Variants in MAGI2 observed in about 807,000 individuals in gnomAD.
MAGI2 encodes the protein membrane-associated guanylate kinase, WW and PDZ domain-containing protein 2.
Under a neutral mutation model 133.3 loss-of-function variants are expected in MAGI2, and 35 were observed. That is an observed-to-expected ratio of 0.26 (90% confidence interval 0.20 to 0.35). The LOEUF (loss-of-function observed/expected upper bound fraction) is 0.35. MAGI2 is among the 10% of genes least tolerant of loss of function. The pLI, the probability that MAGI2 is intolerant of heterozygous loss-of-function variation, is 1.00. For synonymous variants in MAGI2, 729 were observed against 710.6 expected, an observed-to-expected ratio of 1.03 and a Z score of -0.41; for missense variants, 1,636 against 1,863.4, an observed-to-expected ratio of 0.88 and a Z score of 2.25.
chr7:78,378,223 C>T (rs1196892638), intron 6 of MAGI2, among the ~76,000 whole-genome samples: 1 of 151,078 alleles, frequency 6.6e-6, no homozygotes, highest in African/African-American at 2.4e-5. Flanking sequence ...ATGAAATAAA[C>T]AAAAAGGTAA....
intron 3 of MAGI2, among the ~76,000 whole-genome samples, chr7:78,562,083 A>T (rs1800466395): frequency 6.6e-6 from 1 of 152,160 alleles, no homozygotes; most frequent in African/African-American, 2.4e-5. Context: ...AGTTCACAGA[A>T]GGGAAGGAAG....
intron 2 of MAGI2, among the ~76,000 whole-genome samples, chr7:78,967,638 T>C (rs539374184): frequency 6.6e-6 from 1 of 151,854 alleles, no homozygotes; most frequent in Non-Finnish European, 1.5e-5. Context: ...ATATATAGTG[T>C]AGAAGTCCAA....
chr7:78,614,811 A>G (rs1584851456), intron 3 of MAGI2: 1 of 152,208 alleles, frequency 6.6e-6, no homozygotes, highest in South Asian at 2.1e-4. Flanking sequence ...GTAGTATTCT[A>G]ATTAGGTGAA....
At chr7:78,034,549 A>G (rs940753918) in intron 21 of MAGI2, among the ~76,000 whole-genome samples, 1 of 152,122 alleles carries the variant, frequency 6.6e-6, no homozygotes, top group African/African-American at 2.4e-5. Context: ...TATTTTTTAG[A>G]TGGAGTCTCG....
chr7:78,869,939 T>C (rs1001469144), intron 2 of MAGI2, among the ~76,000 whole-genome samples: 1 of 152,164 alleles, frequency 6.6e-6, no homozygotes, highest in African/African-American at 2.4e-5. Context: ...CTATTCTGCT[T>C]CATTGGTCTT....
At chr7:79,420,260 CT>C in intron 1 of MAGI2, among the ~76,000 whole-genome samples, 1 of 152,054 alleles carries the variant, frequency 6.6e-6, no homozygotes, top group East Asian at 1.9e-4. Context: ...CTGTCTCTAC[CT>C]TTTTCCAGAA....
intron 2 of MAGI2, among the ~76,000 whole-genome samples, chr7:78,879,492 C>T (rs191957172): frequency 1.3e-5 from 2 of 152,020 alleles, no homozygotes; most frequent in Admixed American, 6.5e-5. Flanking sequence ...AAAGACCCTA[C>T]CCAACATTCT....
At chr7:79,303,118 C>T (rs560563795) in intron 1 of MAGI2, among the ~76,000 whole-genome samples, 1 of 152,100 alleles carries the variant, frequency 6.6e-6, no homozygotes, top group Non-Finnish European at 1.5e-5. Context: ...GCACCATATA[C>T]AATTTCCTTT....
At chr7:78,922,743 T>C (rs1563667696) in intron 2 of MAGI2, among the ~76,000 whole-genome samples, 1 of 151,954 alleles carries the variant, frequency 6.6e-6, no homozygotes, top group Non-Finnish European at 1.5e-5. Flanking sequence ...GTATTTCTAG[T>C]TCTAGATCCC....
chr7:79,298,521 C>A (rs1837125693), intron 1 of MAGI2, among the ~76,000 whole-genome samples: 1 of 152,018 alleles, frequency 6.6e-6, no homozygotes, highest in African/African-American at 2.4e-5. Context: ...TTTTTAAATA[C>A]CATATCATAC....
At chr7:78,573,404 A>ATATATATATATATATATT (rs1563189772) in intron 3 of MAGI2, among the ~76,000 whole-genome samples, 1 of 85,966 alleles carries the variant, frequency 1.2e-5, no homozygotes. Context: ...ATATATATAT[A>ATATATATATATATATATT]GGCTGCCACT....
rs10249380 is a variant in MAGI2, at chr7:79,115,389, C to T, written c.302-108183G>A. 5.9e-5 allele frequency among the ~76,000 whole-genome samples: 9 copies of T among 152,252 alleles called. No homozygotes were observed. In the South Asian group the frequency reaches 1.9e-3, roughly 32 times the overall value. On this transcript the variant is annotated intron_variant, in intron 1 of 21. Coordinates refer to ENST00000354212, the MANE Select transcript of MAGI2 (RefSeq NM_012301.4). ...TTTTTATATATGCCTTAATTATTGT[C>T]TGAAATAGAAGGTGCTCTGTTCTTT...
chr7:78,086,219 C>CT (rs568492445), intron 20 of MAGI2, among the ~76,000 whole-genome samples: 14,515 of 134,534 alleles, frequency 0.11, 857 homozygotes, highest in African/African-American at 0.16. Context: ...TTCTAGGGCT[C>CT]TTTTTTTTTT....
At chr7:78,070,452 A>ATG (rs1362594548) in intron 21 of MAGI2, among the ~76,000 whole-genome samples, 2 of 146,634 alleles carry the variant, frequency 1.4e-5, no homozygotes, top group Admixed American at 6.8e-5. Flanking sequence ...GTGTATATAT[A>ATG]TGTGTGTGTA....
At chr7:79,288,841 G>A (rs971588710) in intron 1 of MAGI2, among the ~76,000 whole-genome samples, 1 of 152,166 alleles carries the variant, frequency 6.6e-6, no homozygotes, top group African/African-American at 2.4e-5. Context: ...TTGTGTTTCA[G>A]CCAGGCATAA....
At chr7:78,680,342 A>C (rs1815511945) in intron 2 of MAGI2, among the ~76,000 whole-genome samples, 1 of 152,172 alleles carries the variant, frequency 6.6e-6, no homozygotes, top group South Asian at 2.1e-4. Context: ...TCATTATATT[A>C]TTTCCCACTA....
chr7:79,017,417 T>G (rs1414569270), intron 1 of MAGI2, among the ~76,000 whole-genome samples: 1 of 151,980 alleles, frequency 6.6e-6, no homozygotes, highest in Non-Finnish European at 1.5e-5. Flanking sequence ...TCAAATAGGA[T>G]AGAAGAAAAA....
chr7:79,309,104 G>A (rs1181758023), intron 1 of MAGI2, among the ~76,000 whole-genome samples: 1 of 151,672 alleles, frequency 6.6e-6, no homozygotes, highest in Non-Finnish European at 1.5e-5. Flanking sequence ...TAATATTTGC[G>A]GTACAATTTC....
intron 6 of MAGI2, among the ~76,000 whole-genome samples, chr7:78,411,159 G>T (rs1583967545): frequency 6.6e-6 from 1 of 152,100 alleles, no homozygotes; most frequent in East Asian, 1.9e-4. Context: ...AAAGAAATGA[G>T]CCCTATGTAG....
Sources: allele counts gnomAD v4.1 joint callset (sites outside exome capture counted in the v4.1 genomes callset), GRCh38; gene constraint gnomAD v4.1.1; transcripts MANE v1.5; gene names NCBI Gene and HGNC (gene_info 2026-07-23, HGNC 2026-07-21).